PRKCE: variants seen among roughly 807,000 people sequenced by gnomAD.
PRKCE encodes protein kinase C epsilon type.
PRKCE carries 16 observed loss-of-function variants against 85.4 expected under a neutral mutation model. That is an observed-to-expected ratio of 0.19 (90% CI 0.13 to 0.28). The LOEUF is 0.28. PRKCE is among the 10% of genes least tolerant of loss of function. The pLI, the probability that PRKCE is intolerant of heterozygous loss-of-function variation, is 1.00. For synonymous variants in PRKCE, 388 were observed against 371.5 expected, an observed-to-expected ratio of 1.04 and a Z score of -0.51; for missense variants, 573 against 975.2, an observed-to-expected ratio of 0.59 and a Z score of 5.49.
In PRKCE at chr2:45,955,713, G is replaced by A. The variant is rs555205055; in HGVS notation, c.413-20716G>A. 9.9e-5 allele frequency among the ~76,000 whole-genome samples: 15 copies of A among 152,128 alleles called. No homozygotes were observed. The East Asian group carries it at 2.1e-3, about 22-fold the overall frequency. On this transcript the variant is annotated intron_variant, in intron 2 of 14. Transcript: ENST00000306156. ...TAGGCAGATGTTCATTCTAAATTGC[G>A]CTCAGGGTTATTTTTTGTATCTTTA... is the stretch of plus-strand genomic sequence containing the variant.
At chr2:46,054,991 C>G (rs1421040322) in intron 10 of PRKCE, among the ~76,000 whole-genome samples, 1 of 152,136 alleles carries the variant, frequency 6.6e-6, no homozygotes, top group Non-Finnish European at 1.5e-5. Context: ...TTTCAGCTCC[C>G]CTTCCCACTC....
intron 6 of PRKCE, among the ~76,000 whole-genome samples, chr2:45,992,073 T>G (rs1179528162): frequency 6.6e-6 from 1 of 152,160 alleles, no homozygotes; most frequent in Admixed American, 6.5e-5. Flanking sequence ...TCATTGAACA[T>G]AATAAGTGAA....
chr2:46,074,898 T>G (rs1379005897), intron 10 of PRKCE, among the ~76,000 whole-genome samples: 1 of 152,184 alleles, frequency 6.6e-6, no homozygotes, highest in Non-Finnish European at 1.5e-5. Flanking sequence ...CAGAGTCTCA[T>G]GCAGTCCCTA....
intron 1 of PRKCE, among the ~76,000 whole-genome samples, chr2:45,712,660 G>C (rs1411179389): frequency 2.6e-5 from 4 of 152,162 alleles, no homozygotes; most frequent in African/African-American, 9.7e-5. Flanking sequence ...GCCTGGACAG[G>C]CCATTCCCTT....
chr2:46,111,654 G>A (rs1170630407), intron 11 of PRKCE, among the ~76,000 whole-genome samples: 1 of 152,148 alleles, frequency 6.6e-6, no homozygotes, highest in Non-Finnish European at 1.5e-5. Flanking sequence ...CCACTTTGTA[G>A]CATGTATTAG....
chr2:45,802,783 T>C (rs1687966796), intron 1 of PRKCE, among the ~76,000 whole-genome samples: 1 of 152,228 alleles, frequency 6.6e-6, no homozygotes, highest in Non-Finnish European at 1.5e-5. Flanking sequence ...TCTCAAACTT[T>C]ACTGTGAATT....
rs746599559 is a variant in PRKCE at position 45,978,942 on chromosome 2, A to G, written c.573-34A>G. 2.5e-6 allele frequency: 4 copies of G among 1,594,146 alleles called. No homozygotes were observed. In the South Asian group the frequency reaches 3.3e-5, roughly 13 times the overall value. On this transcript the variant is annotated intron_variant, in intron 3 of 14. Transcript: ENST00000306156. ...TTGTTTTTTGACCTGGTAAGATTTCACTTTTTTTAAAAAAATGTTATTCTT... is the reference window on the plus strand; with the variant it reads ...TTGTTTTTTGACCTGGTAAGATTTCGCTTTTTTTAAAAAAATGTTATTCTT...
At chr2:45,944,649 CG>C (rs1181643662) in intron 2 of PRKCE, among the ~76,000 whole-genome samples, 2 of 118,724 alleles carry the variant, frequency 1.7e-5, no homozygotes, top group African/African-American at 6.4e-5. Flanking sequence ...CCACCATACC[CG>C]GCTAATTTTT....
At chr2:46,177,360 C>G (rs1679522875) in intron 14 of PRKCE, among the ~76,000 whole-genome samples, 1 of 152,202 alleles carries the variant, frequency 6.6e-6, no homozygotes, top group South Asian at 2.1e-4. Context: ...ACCTGGGTGG[C>G]TTATCTAACA....
intron 1 of PRKCE, among the ~76,000 whole-genome samples, chr2:45,805,641 G>C (rs1037540495): frequency 3.4e-5 from 5 of 147,536 alleles, no homozygotes; most frequent in African/African-American, 1.0e-4. Flanking sequence ...TTGTTGCCCA[G>C]GCTGGAGTGC....
intron 1 of PRKCE, among the ~76,000 whole-genome samples, chr2:45,830,318 A>C (rs999688258): frequency 9.3e-5 from 14 of 150,086 alleles, no homozygotes; most frequent in African/African-American, 3.2e-4. Flanking sequence ...GAGAGAGAGA[A>C]ATGAGAAAAC....
chr2:45,795,271 G>A (rs545323263), intron 1 of PRKCE, among the ~76,000 whole-genome samples: 1 of 152,156 alleles, frequency 6.6e-6, no homozygotes, highest in South Asian at 2.1e-4. Context: ...CCACATCCAT[G>A]CTCTGCTCTC....
chr2:45,809,893 A>T (rs1008351167), intron 1 of PRKCE, among the ~76,000 whole-genome samples: 1 of 151,722 alleles, frequency 6.6e-6, no homozygotes, highest in Admixed American at 6.6e-5. Flanking sequence ...AAAAAAAAAA[A>T]GTCTGGGTAC....
chr2:45,924,018 G>A (rs1051415451), intron 2 of PRKCE, among the ~76,000 whole-genome samples: 1 of 152,178 alleles, frequency 6.6e-6, no homozygotes, highest in Admixed American at 6.5e-5. Context: ...GTGTCCCTGG[G>A]CTCCTTGGAG....
At chr2:45,929,330 T>C (rs1209427264) in intron 2 of PRKCE, among the ~76,000 whole-genome samples, 1 of 152,224 alleles carries the variant, frequency 6.6e-6, no homozygotes, top group Non-Finnish European at 1.5e-5. Context: ...CAAAGAGCGA[T>C]AGCGGAGCCG....
At chr2:46,115,116 G>A (rs556331378) in intron 11 of PRKCE, among the ~76,000 whole-genome samples, 42 of 152,114 alleles carry the variant, frequency 2.8e-4, no homozygotes, top group Middle Eastern at 3.2e-3. Context: ...ACAGTGTAGC[G>A]CAACCGTCAG....
At chr2:46,142,322 C>T (rs142152526) in intron 11 of PRKCE, among the ~76,000 whole-genome samples, 55 of 152,244 alleles carry the variant, frequency 3.6e-4, no homozygotes, top group African/African-American at 1.3e-3. Context: ...ATAATGGAAC[C>T]GAAGACCCCC....
intron 1 of PRKCE, among the ~76,000 whole-genome samples, chr2:45,671,362 G>T (rs184954684): frequency 1.3e-5 from 2 of 152,182 alleles, no homozygotes; most frequent in African/African-American, 4.8e-5. Flanking sequence ...TAGGACAAAG[G>T]TTTTTTACTG....
At chr2:46,076,670 C>G (rs1247042284) in intron 10 of PRKCE, among the ~76,000 whole-genome samples, 1 of 152,024 alleles carries the variant, frequency 6.6e-6, no homozygotes, top group South Asian at 2.1e-4. Flanking sequence ...TACCATTTGG[C>G]CAACTGTGAT....
Sources: allele counts gnomAD v4.1 joint callset (sites outside exome capture counted in the v4.1 genomes callset), GRCh38; gene constraint gnomAD v4.1.1; transcripts MANE v1.5; gene names NCBI Gene and HGNC (gene_info 2026-07-23, HGNC 2026-07-21).